ADGRV1: variants seen among roughly 807,000 people sequenced by gnomAD.
ADGRV1 encodes the protein G-protein coupled receptor 98.
In ADGRV1, 359 loss-of-function variants were observed where a neutral mutation model predicts 596.2. The observed-to-expected ratio is 0.60, with a 90% CI of 0.55 to 0.66. The LOEUF (loss-of-function observed/expected upper bound fraction) is 0.66. ADGRV1 is among the 30% of genes least tolerant of loss of function. The pLI is 0.00. For missense variants in ADGRV1, 7,274 were observed against 7,575.6 expected (o/e 0.96, Z 1.48); for synonymous variants, 2,681 against 2,679.2 (o/e 1.00, Z -0.02).
At chr5:90,766,026 C>T (rs1757089043) in intron 59 of ADGRV1, among the ~76,000 whole-genome samples, 1 of 152,072 alleles carries the variant, frequency 6.6e-6, no homozygotes, top group South Asian at 2.1e-4. Context: ...TCTCCTGCCT[C>T]AGCCTCCCGA....
chr5:90,722,043 C>T (rs1333811386), intron 45 of ADGRV1, among the ~76,000 whole-genome samples: 2 of 152,080 alleles, frequency 1.3e-5, no homozygotes, highest in African/African-American at 4.8e-5. Context: ...GGAAAGCCTT[C>T]GAGTGGTTTA....
At chr5:90,943,851 C>A (rs75809742) in intron 83 of ADGRV1, among the ~76,000 whole-genome samples, 1,919 of 152,152 alleles carry the variant, frequency 0.013, 45 homozygotes, top group African/African-American at 0.043. Flanking sequence ...GATTTAGAAC[C>A]CACCTCACTT....
Position 91,092,346 on chromosome 5 carries a change from G to A in ADGRV1, c.18311-9873G>A, listed in dbSNP as rs550167194. On this transcript the variant is annotated intron_variant, in intron 86 of 89. Transcript: ENST00000405460. ...ACTCCTGACCTCAGGTGATCCACCCGCCTCAGCCTCCTAAAGTGCTGGGAT... is the reference window on the plus strand; with the variant it reads ...ACTCCTGACCTCAGGTGATCCACCCACCTCAGCCTCCTAAAGTGCTGGGAT... Among the ~76,000 whole-genome samples the A allele has an allele frequency of 4.6e-5, 7 of 152,222 alleles. No individual in the cohort carries two copies. In the East Asian group the frequency reaches 7.7e-4, roughly 17 times the overall value.
intron 85 of ADGRV1, among the ~76,000 whole-genome samples, chr5:91,026,305 A>G (rs1010761957): frequency 2.0e-5 from 3 of 152,196 alleles, no homozygotes; most frequent in Non-Finnish European, 4.4e-5. Flanking sequence ...CAAGGCATAA[A>G]ACAATGCCTT....
At chr5:90,563,076 G>A (rs1396286761) in intron 1 of ADGRV1, among the ~76,000 whole-genome samples, 1 of 152,102 alleles carries the variant, frequency 6.6e-6, no homozygotes, top group African/African-American at 2.4e-5. Context: ...GTGCTGGTAG[G>A]GGCCAAATAA....
chr5:90,569,580 G>T (rs1305723700), intron 1 of ADGRV1, among the ~76,000 whole-genome samples: 1 of 150,242 alleles, frequency 6.7e-6, no homozygotes, highest in Non-Finnish European at 1.5e-5. Context: ...AGGTAGGATT[G>T]ATGTCTACCA....
In ADGRV1 at chr5:90,723,449, G is replaced by A. The variant is rs1751350395; in HGVS notation, c.9749-1383G>A. 2.6e-5 allele frequency among the ~76,000 whole-genome samples: 4 copies of A among 152,156 alleles called. No individual in the cohort carries two copies. The South Asian group carries it at 8.3e-4, about 31-fold the overall frequency. ...TTTCTAATTTAGATTTCTGCATTAC[G>A]CTTGGACTTTGCATGTGTTTTTTGG... On this transcript the variant is annotated intron_variant, in intron 45 of 89. Transcript: ENST00000405460.
At chr5:90,750,783 G>T in intron 53 of ADGRV1, 86 bp downstream of exon 53, 1 of 1,025,874 alleles carries the variant, frequency 9.7e-7, no homozygotes, top group Non-Finnish European at 1.5e-6. Flanking sequence ...TATGGATGAA[G>T]TGTTTGAGTT....
chr5:90,906,146 G>GT (rs1772301944), intron 83 of ADGRV1, among the ~76,000 whole-genome samples: 1 of 151,834 alleles, frequency 6.6e-6, no homozygotes, highest in Admixed American at 6.6e-5. Flanking sequence ...CTTATTGAGG[G>GT]TTTTTTCATT....
chr5:90,896,331 C>T (rs1026236503), intron 83 of ADGRV1, among the ~76,000 whole-genome samples: 1 of 114,068 alleles, frequency 8.8e-6, no homozygotes, highest in East Asian at 3.1e-4. Context: ...AGTGCAGTGG[C>T]GTGATTGCAG....
At chr5:90,972,552 T>G (rs1163755310) in intron 84 of ADGRV1, among the ~76,000 whole-genome samples, 2 of 152,016 alleles carry the variant, frequency 1.3e-5, no homozygotes, top group African/African-American at 4.8e-5. Context: ...AGAAACTCAC[T>G]CAAAAGCGCT....
At chr5:90,830,633 A>G in intron 77 of ADGRV1, among the ~76,000 whole-genome samples, 1 of 152,146 alleles carries the variant, frequency 6.6e-6, no homozygotes, top group East Asian at 1.9e-4. Flanking sequence ...TCTTTGCAAA[A>G]TGCATGCTGT....
At chr5:91,157,360 T>C (rs763728031) in intron 89 of ADGRV1, among the ~76,000 whole-genome samples, 1 of 152,218 alleles carries the variant, frequency 6.6e-6, no homozygotes, top group Non-Finnish European at 1.5e-5. Context: ...AATAAAACTT[T>C]TACATTATTG....
chr5:90,669,151 C>T (rs1772053798), intron 21 of ADGRV1, among the ~76,000 whole-genome samples: 1 of 152,240 alleles, frequency 6.6e-6, no homozygotes, highest in South Asian at 2.1e-4. Flanking sequence ...AAGCTCAGGA[C>T]TGCTTGGCCT....
chr5:90,768,686 C>G (rs1757392698), intron 59 of ADGRV1, among the ~76,000 whole-genome samples: 1 of 152,128 alleles, frequency 6.6e-6, no homozygotes, highest in Non-Finnish European at 1.5e-5. Flanking sequence ...TTTCCTATTT[C>G]TACTTTATGC....
intron 82 of ADGRV1, among the ~76,000 whole-genome samples, chr5:90,856,347 A>G (rs1767022305): frequency 1.3e-5 from 2 of 152,330 alleles, no homozygotes; most frequent in Non-Finnish European, 2.9e-5. Flanking sequence ...TTTGTATTCT[A>G]CAACTTAAGA....
intron 83 of ADGRV1, among the ~76,000 whole-genome samples, chr5:90,930,095 T>G (rs1416468740): frequency 6.6e-6 from 1 of 152,190 alleles, no homozygotes; most frequent in African/African-American, 2.4e-5. Flanking sequence ...TGTTTCTTTT[T>G]AAAAAATATA....
At chr5:90,846,799 C>G (rs1446144425) in intron 78 of ADGRV1, among the ~76,000 whole-genome samples, 1 of 152,210 alleles carries the variant, frequency 6.6e-6, no homozygotes, top group East Asian at 1.9e-4. Context: ...CTTTTATTCT[C>G]TTATCTGGCC....
intron 89 of ADGRV1, among the ~76,000 whole-genome samples, chr5:91,159,506 T>G (rs1796765941): frequency 6.6e-6 from 1 of 152,194 alleles, no homozygotes; most frequent in African/African-American, 2.4e-5. Flanking sequence ...TTTTTAAAAA[T>G]TTAGAAAAAG....
Sources: gnomAD v4.1 joint callset for allele counts (sites outside exome capture counted in the v4.1 genomes callset) on GRCh38, gnomAD v4.1.1 for gene constraint, MANE v1.5 for transcripts, NCBI Gene and HGNC (gene_info 2026-07-23, HGNC 2026-07-21) for gene names.